CELF2: variants seen among roughly 807,000 people sequenced by gnomAD.
CELF2 encodes the protein CUG triplet repeat RNA-binding protein 2.
CELF2 carries 8 observed loss-of-function variants against 62.6 expected under a neutral mutation model. The ratio of observed to expected loss-of-function variants is 0.13; its 90% confidence interval spans 0.07 to 0.23. The LOEUF is 0.23. Among genes scored for constraint, CELF2 ranks in the 10% least tolerant of loss-of-function variants. CELF2 has a pLI of 1.00. For missense variants in CELF2, 333 were observed against 671.0 expected (o/e 0.50, Z 5.56); for synonymous variants, 258 against 250.0 (o/e 1.03, Z -0.30).
At chr10:11,153,671 G>A (rs942597340) in intron 1 of CELF2, among the ~76,000 whole-genome samples, 1 of 152,206 alleles carries the variant, frequency 6.6e-6, no homozygotes, top group Non-Finnish European at 1.5e-5. Context: ...TCATCTAAAG[G>A]CATTATGAAT....
chr10:10,664,787 C>T, the CELF2 span, among the ~76,000 whole-genome samples: 3 of 152,170 alleles, frequency 2.0e-5, no homozygotes, highest in Middle Eastern at 3.2e-3. Context: ...TCTTCGTGGG[C>T]AGATCTCCCT....
the CELF2 span, among the ~76,000 whole-genome samples, chr10:10,677,777 G>C: frequency 2.1e-4 from 32 of 152,290 alleles, no homozygotes; most frequent in African/African-American, 7.2e-4. Flanking sequence ...AATCCTAGCT[G>C]TTCTCTGCTA....
the CELF2 span, among the ~76,000 whole-genome samples, chr10:10,650,761 A>C: frequency 2.0e-5 from 3 of 152,210 alleles, no homozygotes; most frequent in Non-Finnish European, 1.5e-5. Context: ...ACTTTGGAAA[A>C]AGTTTTAGCG....
In CELF2 at chr10:11,321,124, T is replaced by C; in HGVS notation, c.1097-65T>C. Reference sequence around the variant, plus strand: ...TACTGTGTTTAAATGATTCTCTAACTTCCTTTGGAAAGCACTAATGAATAA... The same window carrying C: ...TACTGTGTTTAAATGATTCTCTAACCTCCTTTGGAAAGCACTAATGAATAA... On this transcript the variant is annotated intron_variant, in intron 10 of 12. Coordinates refer to ENST00000633077, the MANE Select transcript of CELF2 (RefSeq NM_001326342.2). The surrounding 1 kb of genome is among the most constrained non-coding windows in gnomAD (Gnocchi z 6.2). 1 of 1,540,580 alleles carries C rather than the reference T, an allele frequency of 6.5e-7. No homozygotes were observed. The highest frequency in any genetic ancestry group is 9.0e-7 in the Non-Finnish European group (1 of 1,114,758).
intron 1 of CELF2, among the ~76,000 whole-genome samples, chr10:10,856,338 A>G (rs1380503964): frequency 1.3e-5 from 2 of 152,182 alleles, no homozygotes; most frequent in Non-Finnish European, 2.9e-5. Flanking sequence ...TTCATCCACA[A>G]TGAGTCACTC....
rs1359835630 is a variant in CELF2, at chr10:11,267,531, G to C, written c.618+854G>C. 6.6e-6 allele frequency among the ~76,000 whole-genome samples: 1 copy of C among 152,204 alleles called. No individual in the cohort carries two copies. Among genetic ancestry groups the C allele is most frequent in the Non-Finnish European group, 1.5e-5 (1 of 68,028 alleles). ...GTATACTGTATCTTTGTGTATGGGT[G>C]ATCTTTTCCGGAGGTGGCCTTGTGG... On this transcript the variant is annotated intron_variant, in intron 6 of 12. Transcript: ENST00000633077. The surrounding 1 kb of genome is among the most constrained non-coding windows in gnomAD (Gnocchi z 4.4).
At chr10:10,689,317 A>G in the CELF2 span, among the ~76,000 whole-genome samples, 8 of 152,096 alleles carry the variant, frequency 5.3e-5, no homozygotes, top group Non-Finnish European at 1.0e-4. Flanking sequence ...ACACTTTTAA[A>G]CCATCAGATC....
At chr10:11,139,864 A>T (rs1278545602) in intron 1 of CELF2, among the ~76,000 whole-genome samples, 4 of 150,748 alleles carry the variant, frequency 2.7e-5, no homozygotes, top group African/African-American at 7.3e-5. Flanking sequence ...TATTCAGCAA[A>T]CACCCCCTCA....
intron 2 of CELF2, among the ~76,000 whole-genome samples, chr10:10,932,827 G>C (rs1199228380): frequency 1.3e-5 from 2 of 152,084 alleles, no homozygotes; most frequent in East Asian, 3.9e-4. Flanking sequence ...TCTGCAACCA[G>C]AAAGGGCAAA....
At chr10:10,843,440 C>T (rs1006643796) in intron 1 of CELF2, among the ~76,000 whole-genome samples, 4 of 151,910 alleles carry the variant, frequency 2.6e-5, no homozygotes, top group Non-Finnish European at 5.9e-5. Flanking sequence ...ACATATTTCC[C>T]TCTAAGCACT....
chr10:10,577,364 T>TTTATTATTATTA, the CELF2 span, among the ~76,000 whole-genome samples: 7,546 of 141,366 alleles, frequency 0.053, 244 homozygotes, highest in Middle Eastern at 0.093. Context: ...AACAAATCTT[T>TTTATTATTATTA]TTATTATTAT....
chr10:10,566,732 A>C, the CELF2 span, among the ~76,000 whole-genome samples: 1 of 152,090 alleles, frequency 6.6e-6, no homozygotes, highest in African/African-American at 2.4e-5. Flanking sequence ...TGTTCACAAC[A>C]TATGTAAATA....
At chr10:11,185,162 A>T (rs2074512896) in intron 2 of CELF2, among the ~76,000 whole-genome samples, 1 of 151,926 alleles carries the variant, frequency 6.6e-6, no homozygotes, top group Admixed American at 6.6e-5. Context: ...TGTAAATATG[A>T]CAAATCACAT....
chr10:11,077,923 TAAAAG>T (rs954357283), intron 1 of CELF2, among the ~76,000 whole-genome samples: 3 of 152,162 alleles, frequency 2.0e-5, no homozygotes, highest in African/African-American at 7.2e-5. Context: ...GTAACACCTG[TAAAAG>T]CATATTAGGA....
the CELF2 span, among the ~76,000 whole-genome samples, chr10:10,532,733 C>A: frequency 6.6e-6 from 1 of 152,046 alleles, no homozygotes; most frequent in Non-Finnish European, 1.5e-5. Context: ...AGGTATTTAT[C>A]TTTGTATTTC....
At chr10:10,630,866 T>C in the CELF2 span, among the ~76,000 whole-genome samples, 5 of 152,160 alleles carry the variant, frequency 3.3e-5, no homozygotes, top group African/African-American at 1.2e-4. Flanking sequence ...TTCAAAGAGA[T>C]GGCTCCCAAT....
intron 2 of CELF2, among the ~76,000 whole-genome samples, chr10:10,991,167 T>C (rs558829199): frequency 6.6e-6 from 1 of 152,314 alleles, no homozygotes; most frequent in South Asian, 2.1e-4. Context: ...AGACTCTCTC[T>C]TTGTTCTCCA....
intron 1 of CELF2, among the ~76,000 whole-genome samples, chr10:10,835,746 C>T (rs1216955144): frequency 2.0e-5 from 3 of 152,204 alleles, no homozygotes; most frequent in South Asian, 2.1e-4. Flanking sequence ...TTGCATGCCA[C>T]GGTAGAAAAA....
chr10:11,105,746 C>G lies in CELF2; in HGVS notation c.75-59740C>G, dbSNP rs139796056. 2.3e-3 allele frequency among the ~76,000 whole-genome samples: 345 copies of G among 152,342 alleles called. 3 individuals are homozygous for G. Among genetic ancestry groups the G allele is most frequent in the African/African-American group, 4.9e-3 (202 of 41,572 alleles). ...CCTGGCTGCTCCTCAGACACCTTCA[C>G]ACATCTCTGCTCTGGGATCCTGTGC... On this transcript the variant is annotated intron_variant, in intron 1 of 12. Coordinates refer to ENST00000633077, the MANE Select transcript of CELF2 (RefSeq NM_001326342.2).
Sources: allele counts gnomAD v4.1 joint callset (sites outside exome capture counted in the v4.1 genomes callset), GRCh38; gene constraint gnomAD v4.1.1; non-coding constraint Gnocchi (gnomAD v3.1); transcripts MANE v1.5; gene names NCBI Gene and HGNC (gene_info 2026-07-23, HGNC 2026-07-21).